Variants in GABRG3 observed in about 807,000 individuals in gnomAD.
The protein encoded by GABRG3 is gamma-aminobutyric acid receptor subunit gamma-3.
Under a neutral mutation model 48.8 loss-of-function variants are expected in GABRG3, and 25 were observed. The ratio of observed to expected loss-of-function variants is 0.51; its 90% CI spans 0.37 to 0.72. The LOEUF is 0.72. GABRG3 is among the 30% of genes least tolerant of loss of function. The probability of loss-of-function intolerance (pLI) is 0.00; values close to 1 mark genes in which losing one functional copy is unlikely to be tolerated. For missense variants in GABRG3, 394 were observed against 577.9 expected (o/e 0.68, Z 3.26); for synonymous variants, 227 against 217.6 (o/e 1.04, Z -0.38).
intron 6 of GABRG3, among the ~76,000 whole-genome samples, chr15:27,506,997 T>C (rs2150856741): frequency 6.6e-6 from 1 of 152,312 alleles, no homozygotes; most frequent in Non-Finnish European, 1.5e-5. Flanking sequence ...TTTTTACTTG[T>C]GTTACACAAT....
At chr15:27,322,173 T>C (rs1893448940) in intron 3 of GABRG3, among the ~76,000 whole-genome samples, 1 of 152,250 alleles carries the variant, frequency 6.6e-6, no homozygotes, top group South Asian at 2.1e-4. Flanking sequence ...TATTTCTATG[T>C]GGGTGGGAAG....
chr15:27,001,350 G>C (rs1045241337), intron 2 of GABRG3, among the ~76,000 whole-genome samples: 7 of 152,190 alleles, frequency 4.6e-5, no homozygotes, highest in African/African-American at 1.4e-4. Flanking sequence ...CTGAGGCCCA[G>C]GTGGGCCAGT....
At chr15:27,343,680 T>G (rs1894267433) in intron 5 of GABRG3, among the ~76,000 whole-genome samples, 1 of 152,198 alleles carries the variant, frequency 6.6e-6, no homozygotes, top group African/African-American at 2.4e-5. Context: ...AGTGGGTGGT[T>G]AGCTCATTAA....
At chr15:27,416,090 A>T (rs1038609373) in intron 5 of GABRG3, among the ~76,000 whole-genome samples, 1 of 152,086 alleles carries the variant, frequency 6.6e-6, no homozygotes, top group East Asian at 1.9e-4. Flanking sequence ...AGCAAAGTAA[A>T]CTCCTACATT....
At chr15:27,454,952 TC>T (rs1180461880) in intron 5 of GABRG3, among the ~76,000 whole-genome samples, 1 of 152,208 alleles carries the variant, frequency 6.6e-6, no homozygotes, top group Non-Finnish European at 1.5e-5. Flanking sequence ...CATCTCTTTT[TC>T]TCTCCCTTCA....
intron 5 of GABRG3, among the ~76,000 whole-genome samples, chr15:27,421,962 G>A (rs1315017664): frequency 1.3e-5 from 2 of 151,028 alleles, no homozygotes; most frequent in African/African-American, 4.9e-5. Context: ...AGATATCCAT[G>A]GGAGTGGGCT....
chr15:27,157,375 A>T (rs926978542), intron 3 of GABRG3, among the ~76,000 whole-genome samples: 2 of 152,272 alleles, frequency 1.3e-5, no homozygotes, highest in East Asian at 1.9e-4. Context: ...TACAGGAATC[A>T]TAAGCTGAAG....
At chr15:26,983,865 G>A (rs1193893536) in intron 2 of GABRG3, among the ~76,000 whole-genome samples, 1 of 152,154 alleles carries the variant, frequency 6.6e-6, no homozygotes, top group Non-Finnish European at 1.5e-5. Flanking sequence ...ACTACCATTT[G>A]CTGACTCTGT....
chr15:27,284,095 A>G (rs1891528592), intron 3 of GABRG3, among the ~76,000 whole-genome samples: 1 of 152,164 alleles, frequency 6.6e-6, no homozygotes, highest in South Asian at 2.1e-4. Flanking sequence ...GAGAGAGGAA[A>G]ACTCAGAGAT....
At chr15:27,001,888 G>GTTT (rs60516105) in intron 2 of GABRG3, among the ~76,000 whole-genome samples, 5 of 121,224 alleles carry the variant, frequency 4.1e-5, no homozygotes, top group South Asian at 2.8e-4. Flanking sequence ...CCATAACTCA[G>GTTT]TTTTTTTTTT....
chr15:27,206,506 A>G (rs1014260130), intron 3 of GABRG3, among the ~76,000 whole-genome samples: 4 of 152,188 alleles, frequency 2.6e-5, no homozygotes, highest in African/African-American at 4.8e-5. Flanking sequence ...TGGCGTGTGC[A>G]TATGAGAAGA....
intron 3 of GABRG3, among the ~76,000 whole-genome samples, chr15:27,309,613 A>G (rs1892928868): frequency 6.6e-6 from 1 of 152,080 alleles, no homozygotes; most frequent in Non-Finnish European, 1.5e-5. Context: ...TAAAACCATG[A>G]CGTGATAGTG....
chr15:27,295,675 CT>C (rs1891958255), intron 3 of GABRG3, among the ~76,000 whole-genome samples: 1 of 152,174 alleles, frequency 6.6e-6, no homozygotes, highest in Non-Finnish European at 1.5e-5. Context: ...CTAGGCAGGC[CT>C]ACAGGCATGG....
At chr15:27,294,512 G>C (rs1240980667) in intron 3 of GABRG3, among the ~76,000 whole-genome samples, 4 of 152,030 alleles carry the variant, frequency 2.6e-5, no homozygotes, top group African/African-American at 9.7e-5. Context: ...CACCACACCT[G>C]GCCTCTTTTC....
chr15:26,982,864 T>G (rs1266097100), intron 2 of GABRG3, among the ~76,000 whole-genome samples: 1 of 152,242 alleles, frequency 6.6e-6, no homozygotes, highest in Non-Finnish European at 1.5e-5. Context: ...CGTTCCACCA[T>G]GATCATCATC....
At chr15:27,279,072 G>A (rs1891348808) in intron 3 of GABRG3, among the ~76,000 whole-genome samples, 2 of 152,144 alleles carry the variant, frequency 1.3e-5, no homozygotes, top group South Asian at 4.1e-4. Flanking sequence ...TTTGCCATCA[G>A]TATCTCCTCT....
At chr15:27,276,213 A>G (rs954760811) in intron 3 of GABRG3, among the ~76,000 whole-genome samples, 4 of 152,208 alleles carry the variant, frequency 2.6e-5, no homozygotes, top group African/African-American at 7.2e-5. Context: ...GGAAGCTGGC[A>G]CAGGCTAACA....
At chr15:27,325,188 G>T (rs113592424) in intron 3 of GABRG3, among the ~76,000 whole-genome samples, 4,380 of 152,166 alleles carry the variant, frequency 0.029, 221 homozygotes, top group African/African-American at 0.1. Context: ...ACACACACAT[G>T]CACACACTCA....
At chr15:27,216,742 T>A (rs565401748) in intron 3 of GABRG3, among the ~76,000 whole-genome samples, 109 of 129,828 alleles carry the variant, frequency 8.4e-4, no homozygotes, top group Non-Finnish European at 1.3e-3. Flanking sequence ...TCTTTTTTTT[T>A]TTTTATTTTT....
Sources: allele counts gnomAD v4.1 joint callset (sites outside exome capture counted in the v4.1 genomes callset), GRCh38; gene constraint gnomAD v4.1.1; transcripts MANE v1.5; gene names NCBI Gene and HGNC (gene_info 2026-07-23, HGNC 2026-07-21).